Variants in ATAD1 observed in about 807,000 individuals in gnomAD.
ATAD1 encodes ATPase family AAA domain containing 1.
A neutral mutation model predicts 42.7 loss-of-function variants in ATAD1; 18 were observed. The ratio of observed to expected loss-of-function variants is 0.42; its 90% CI spans 0.29 to 0.63. The LOEUF is 0.63. ATAD1 is among the 20% of genes least tolerant of loss of function. The probability of loss-of-function intolerance (pLI) is 0.19; values close to 1 mark genes in which losing one functional copy is unlikely to be tolerated. For synonymous variants in ATAD1, 132 were observed against 143.1 expected, an observed-to-expected ratio of 0.92 and a Z score of 0.55; for missense variants, 294 against 440.4, an observed-to-expected ratio of 0.67 and a Z score of 2.98.
intron 4 of ATAD1, among the ~76,000 whole-genome samples, chr10:87,786,327 G>C (rs1855831402): frequency 6.6e-6 from 1 of 152,124 alleles, no homozygotes; most frequent in South Asian, 2.1e-4. Context: ...TGACTTTGTA[G>C]CTACTCTACC....
rs1482798246 is a variant in ATAD1 at position 87,815,493 on chromosome 10, G to A, written c.-13-881C>T. 3.9e-5 allele frequency among the ~76,000 whole-genome samples: 6 copies of A among 151,930 alleles called. No homozygotes were observed. The South Asian group carries it at 8.3e-4, about 21-fold the overall frequency. On this transcript the variant is annotated intron_variant, in intron 1 of 9. Coordinates refer to ENST00000680024, the MANE Select transcript of ATAD1 (RefSeq NM_001321967.2). The stretch of plus-strand genomic sequence containing the variant: ...TATACTCTCAGCACAGGAGTGTGCT[G>A]AATGCTATGGGATATATAAGAAAAA...
chr10:87,788,401 G>T (rs1855936545), intron 4 of ATAD1, among the ~76,000 whole-genome samples: 2 of 152,008 alleles, frequency 1.3e-5, no homozygotes. Context: ...TATATTGAGG[G>T]TCAAAAAGTA....
chr10:87,808,509 C>T (rs1453575786), intron 2 of ATAD1, among the ~76,000 whole-genome samples: 1 of 152,148 alleles, frequency 6.6e-6, no homozygotes, highest in Non-Finnish European at 1.5e-5. Flanking sequence ...AAAATCATGC[C>T]ACTGCACTCC....
chr10:87,833,670 A>T (rs1358381662), intron 1 of ATAD1, among the ~76,000 whole-genome samples: 1 of 143,686 alleles, frequency 7.0e-6, no homozygotes, highest in Middle Eastern at 3.3e-3. Flanking sequence ...TTTTTTTTTA[A>T]TCTGAATGGA....
intron 2 of ATAD1, among the ~76,000 whole-genome samples, chr10:87,801,687 C>A (rs1342201439): frequency 6.6e-6 from 1 of 152,150 alleles, no homozygotes; most frequent in South Asian, 2.1e-4. Flanking sequence ...TATGGCTACC[C>A]TAAAACTTTT....
intron 1 of ATAD1, among the ~76,000 whole-genome samples, chr10:87,823,738 T>A (rs541484449): frequency 5.3e-5 from 8 of 152,318 alleles, no homozygotes; most frequent in African/African-American, 1.9e-4. Flanking sequence ...CCATCCTTTA[T>A]AACCTAGAGC....
intron 1 of ATAD1, among the ~76,000 whole-genome samples, chr10:87,826,220 C>T (rs17702687): frequency 0.35 from 53,240 of 152,102 alleles, 9,827 homozygotes; most frequent in Admixed American, 0.41. Flanking sequence ...TTTATAGAAG[C>T]ACAGGAAACT....
intron 3 of ATAD1, among the ~76,000 whole-genome samples, chr10:87,791,422 A>G (rs2131930788): frequency 6.6e-6 from 1 of 151,904 alleles, no homozygotes; most frequent in South Asian, 2.1e-4. Context: ...AAAAAATGAT[A>G]AAAAGGGAAG....
At chr10:87,831,055 C>T (rs76036883) in intron 1 of ATAD1, among the ~76,000 whole-genome samples, 4 of 152,138 alleles carry the variant, frequency 2.6e-5, no homozygotes, top group South Asian at 2.1e-4. Context: ...CAGCACATTT[C>T]GGGTGATTTA....
chr10:87,788,224 T>C (rs1225733018), intron 4 of ATAD1, among the ~76,000 whole-genome samples: 2 of 152,208 alleles, frequency 1.3e-5, no homozygotes, highest in Non-Finnish European at 2.9e-5. Context: ...CTTTTTGTAG[T>C]CTGTGTGAAG....
chr10:87,810,059 AC>A (rs1857111938), intron 2 of ATAD1, among the ~76,000 whole-genome samples: 1 of 152,122 alleles, frequency 6.6e-6, no homozygotes, highest in Non-Finnish European at 1.5e-5. Flanking sequence ...TTTCAAAAAA[AC>A]AATTTTGGGT....
intron 4 of ATAD1, among the ~76,000 whole-genome samples, chr10:87,788,351 T>A (rs1855933939): frequency 6.6e-6 from 1 of 152,204 alleles, no homozygotes; most frequent in Admixed American, 6.5e-5. Context: ...CAAGGATGCA[T>A]CTGATTTTAC....
At chr10:87,812,996 C>A (rs1857255721) in intron 2 of ATAD1, among the ~76,000 whole-genome samples, 1 of 152,154 alleles carries the variant, frequency 6.6e-6, no homozygotes, top group African/African-American at 2.4e-5. Flanking sequence ...TTTATATTAT[C>A]ATGAACAAGT....
intron 1 of ATAD1, chr10:87,832,738 T>C (rs1857856042): frequency 6.6e-6 from 1 of 152,206 alleles, no homozygotes. Context: ...AAATTTGTTT[T>C]GTGAGTTCTG....
At chr10:87,774,490 A>G (rs535893388) in intron 6 of ATAD1, among the ~76,000 whole-genome samples, 1 of 152,328 alleles carries the variant, frequency 6.6e-6, no homozygotes, top group East Asian at 1.9e-4. Flanking sequence ...GGTAGATGTG[A>G]AAAACAATCT....
intron 8 of ATAD1, among the ~76,000 whole-genome samples, chr10:87,758,047 A>G (rs1854304396): frequency 6.6e-6 from 1 of 152,212 alleles, no homozygotes; most frequent in Non-Finnish European, 1.5e-5. Context: ...GATAAATCTA[A>G]ATAAACTTTA....
intron 2 of ATAD1, among the ~76,000 whole-genome samples, chr10:87,795,903 G>A (rs1405075672): frequency 6.6e-6 from 1 of 152,014 alleles, no homozygotes; most frequent in Non-Finnish European, 1.5e-5. Context: ...AGAGATGAAC[G>A]AATTAAACTT....
At chr10:87,769,087 T>G (rs1161640260) in intron 7 of ATAD1, among the ~76,000 whole-genome samples, 1 of 152,114 alleles carries the variant, frequency 6.6e-6, no homozygotes, top group Admixed American at 6.6e-5. Context: ...AAGAATAAAA[T>G]TTAAAAAACC....
At position 87,818,223 on chromosome 10, in the gene ATAD1, A is replaced by T; in HGVS notation, c.-70T>A. On this transcript the variant is annotated 5_prime_UTR_variant, in exon 1 of 10. Coordinates refer to ENST00000680024, the MANE Select transcript of ATAD1 (RefSeq NM_001321967.2). ...TCAGCCGGCCTCACACAGGAAGGAA[A>T]CGCAACCTGGGAGAGAACGCTTCCG... 1 of 985,562 alleles carries T rather than the reference A, an allele frequency of 1.0e-6. No homozygotes were observed. The highest frequency in any genetic ancestry group is 1.2e-6 in the Non-Finnish European group (1 of 830,008). The allele number at this position is 985,562 out of a possible 1,614,324, so 61.1% of individuals were successfully genotyped here. A position where few individuals can be genotyped will look rare whatever the true frequency, so the allele number is the denominator to read the frequency against.
Sources: gnomAD v4.1 joint callset for allele counts (sites outside exome capture counted in the v4.1 genomes callset) on GRCh38, gnomAD v4.1.1 for gene constraint, MANE v1.5 for transcripts, NCBI Gene and HGNC (gene_info 2026-07-23, HGNC 2026-07-21) for gene names.